The following NT5M variants were observed in gnomAD, a reference collection of about 807,000 sequenced individuals.
NT5M encodes 5',3'-nucleotidase, mitochondrial.
In NT5M, 22 loss-of-function variants were observed where a neutral mutation model predicts 22.2. That is an observed-to-expected ratio of 0.99 (90% CI 0.71 to 1.41). The LOEUF (loss-of-function observed/expected upper bound fraction) is 1.41. NT5M is among the 40% of genes most tolerant of loss of function. The pLI is 0.00. For missense variants in NT5M, 322 were observed against 314.8 expected, an observed-to-expected ratio of 1.02 and a Z score of -0.17; for synonymous variants, 167 against 133.0, an observed-to-expected ratio of 1.26 and a Z score of -1.76.
intron 3 of NT5M, among the ~76,000 whole-genome samples, chr17:17,338,789 C>T (rs564026485): frequency 9.2e-5 from 13 of 140,616 alleles, no homozygotes; most frequent in South Asian, 4.5e-4. Flanking sequence ...TGCAGTGGCG[C>T]GATCTCGGCT....
At chr17:17,344,755 C>A in intron 3 of NT5M, 39 bp from the exon 4 acceptor site, 1 of 1,606,236 alleles carries the variant, frequency 6.2e-7, no homozygotes, top group South Asian at 1.1e-5. Flanking sequence ...TCTGATGTCA[C>A]TTTCTTCTCA....
chr17:17,310,781 G>C (rs1190612848), intron 2 of NT5M, among the ~76,000 whole-genome samples: 2 of 136,482 alleles, frequency 1.5e-5, no homozygotes, highest in African/African-American at 2.6e-5. Flanking sequence ...TGGAGAGAGT[G>C]GGGGGAGGGG....
intron 2 of NT5M, among the ~76,000 whole-genome samples, chr17:17,316,729 T>TG (rs2049037201): frequency 6.7e-6 from 1 of 148,782 alleles, no homozygotes; most frequent in Admixed American, 6.8e-5. Context: ...TTTTTGTTTT[T>TG]TTTTGAGATG....
At chr17:17,333,628 T>C (rs931851303) in intron 3 of NT5M, 17 of 151,820 alleles carry the variant, frequency 1.1e-4, no homozygotes, top group African/African-American at 4.1e-4. Flanking sequence ...AGCAGAAGTT[T>C]TATACTTTTA....
intron 2 of NT5M, among the ~76,000 whole-genome samples, chr17:17,315,317 T>C (rs1751888488): frequency 6.6e-6 from 1 of 152,136 alleles, no homozygotes; most frequent in South Asian, 2.1e-4. Flanking sequence ...GCACTGGGGA[T>C]ATATATGTAA....
At chr17:17,304,168 C>G (rs1465745907) in intron 1 of NT5M, among the ~76,000 whole-genome samples, 3 of 152,224 alleles carry the variant, frequency 2.0e-5, no homozygotes, top group African/African-American at 7.2e-5. Context: ...TTCACCCCGA[C>G]CGCAGTCACA....
chr17:17,323,745 G>C (rs1049276699), intron 3 of NT5M, among the ~76,000 whole-genome samples: 5 of 152,160 alleles, frequency 3.3e-5, no homozygotes, highest in South Asian at 2.1e-4. Context: ...GCCCTCCCTG[G>C]GGACGTTGGA....
intron 3 of NT5M, among the ~76,000 whole-genome samples, chr17:17,342,168 G>A (rs1226442229): frequency 1.3e-5 from 2 of 152,178 alleles, no homozygotes; most frequent in Non-Finnish European, 2.9e-5. Flanking sequence ...CACAGATCAT[G>A]AAAAAATATT....
At chr17:17,318,673 T>A (rs1373807533) in intron 2 of NT5M, among the ~76,000 whole-genome samples, 1 of 145,698 alleles carries the variant, frequency 6.9e-6, no homozygotes, top group African/African-American at 2.6e-5. Context: ...TAATCCCAGC[T>A]CCTCGGAAGG....
At chr17:17,309,117 T>C in intron 2 of NT5M, among the ~76,000 whole-genome samples, 1 of 145,154 alleles carries the variant, frequency 6.9e-6, no homozygotes, top group Admixed American at 6.7e-5. Flanking sequence ...TCAATTCTTT[T>C]TCTTTCTTTC....
rs1414851159 is a variant in NT5M at position 17,327,801 on chromosome 17, C to T, written c.429+4556C>T. The stretch of plus-strand genomic sequence containing the variant: ...AAATGCTGGGATTACAGGCGTGAGC[C>T]ACCACGCCCGGCCAATTTTTTTGTA... On this transcript the variant is annotated intron_variant, in intron 3 of 4. Coordinates refer to ENST00000389022, the MANE Select transcript of NT5M (RefSeq NM_020201.4). Among the ~76,000 whole-genome samples the T allele has an allele frequency of 3.8e-5, 4 of 105,848 alleles. 1 individual carries two copies. Among genetic ancestry groups the T allele is most frequent in the African/African-American group, 1.3e-4 (4 of 30,724 alleles). The allele number at this position is 105,848 out of a possible 152,430, so 69.4% of individuals were successfully genotyped here.
In NT5M at chr17:17,306,996, G is replaced by T. The variant is rs1219574104; in HGVS notation, c.368+353G>T. ...GCGGATCACGTGAGGTCGGGAGTTT[G>T]AGACCAGCCTGACCAACATGGAGAA... On this transcript the variant is annotated intron_variant, in intron 2 of 4. Coordinates refer to ENST00000389022, the MANE Select transcript of NT5M (RefSeq NM_020201.4). Among the ~76,000 whole-genome samples the T allele has an allele frequency of 1.1e-4, 16 of 152,128 alleles. No individual in the cohort carries two copies. The East Asian group carries it at 3.1e-3, about 29-fold the overall frequency.
At chr17:17,328,679 TG>T (rs2049312510) in intron 3 of NT5M, among the ~76,000 whole-genome samples, 1 of 152,204 alleles carries the variant, frequency 6.6e-6, no homozygotes, top group Admixed American at 6.5e-5. Context: ...GTTCAGCCTT[TG>T]TTGCTAGAAG....
At chr17:17,325,570 C>A (rs902874814) in intron 3 of NT5M, among the ~76,000 whole-genome samples, 1 of 152,180 alleles carries the variant, frequency 6.6e-6, no homozygotes, top group Non-Finnish European at 1.5e-5. Context: ...GCTGACAGGG[C>A]CTCCTAAACT....
intron 3 of NT5M, among the ~76,000 whole-genome samples, chr17:17,333,974 C>T (rs1380391563): frequency 6.6e-6 from 1 of 151,974 alleles, no homozygotes. Flanking sequence ...GCTGGGACTA[C>T]AGGCACCCAC....
At chr17:17,308,918 A>T (rs1192634843) in intron 2 of NT5M, among the ~76,000 whole-genome samples, 2 of 152,188 alleles carry the variant, frequency 1.3e-5, no homozygotes, top group Non-Finnish European at 2.9e-5. Flanking sequence ...ATGTTGCAGC[A>T]TCTATCAATA....
At chr17:17,343,606 C>T (rs1255787892) in intron 3 of NT5M, among the ~76,000 whole-genome samples, 1 of 152,102 alleles carries the variant, frequency 6.6e-6, no homozygotes, top group Non-Finnish European at 1.5e-5. Context: ...CAGGGAAAAA[C>T]GGAGTCCCTG....
chr17:17,315,744 GTTTTTTTGTTTTT>G (rs1259027954), intron 2 of NT5M, among the ~76,000 whole-genome samples: 3 of 67,714 alleles, frequency 4.4e-5, no homozygotes, highest in East Asian at 4.5e-4. Flanking sequence ...CTAACTTAGG[GTTTTTTTGTTTTT>G]TTTTTTTTTT....
In NT5M at chr17:17,346,816, A is replaced by AC. The variant is rs1191585805; in HGVS notation, c.561dup (p.Ser188GlnfsTer75). On this transcript the variant is annotated frameshift_variant, in exon 5 of 5. Coordinates refer to ENST00000389022, the MANE Select transcript of NT5M (RefSeq NM_020201.4). LOFTEE classifies it high-confidence loss of function. ...TTTCCCACCCACAGGGGCCGAGCCAACCCCCAGCTGGGAGCATGTCCTCTT... is the reference window on the plus strand; with the variant it reads ...TTTCCCACCCACAGGGGCCGAGCCAACCCCCCAGCTGGGAGCATGTCCTCTT... 5 of 1,605,048 alleles carry AC rather than the reference A, an allele frequency of 3.1e-6. No individual in the cohort carries two copies. The highest frequency in any genetic ancestry group is 2.2e-5 in the South Asian group (2 of 90,952).
Sources: allele counts gnomAD v4.1 joint callset (sites outside exome capture counted in the v4.1 genomes callset), GRCh38; gene constraint gnomAD v4.1.1; transcripts MANE v1.5; gene names NCBI Gene and HGNC (gene_info 2026-07-23, HGNC 2026-07-21).